The following DIP2C variants were observed in gnomAD, a reference collection of about 807,000 sequenced individuals.
DIP2C encodes disco-interacting protein 2 homolog C.
DIP2C carries 33 observed loss-of-function variants against 192.4 expected under a neutral mutation model. The ratio of observed to expected loss-of-function variants is 0.17; its 90% CI spans 0.13 to 0.23. DIP2C has a LOEUF of 0.23. Ranked by LOEUF, DIP2C falls within the 10% of genes least tolerant of loss-of-function variation. The pLI is 1.00. For missense variants in DIP2C, 1,537 were observed against 2,110.1 expected (o/e 0.73, Z 5.32); for synonymous variants, 979 against 864.1 (o/e 1.13, Z -2.33).
intron 1 of DIP2C, among the ~76,000 whole-genome samples, chr10:578,034 A>G (rs1850288353): frequency 6.6e-6 from 1 of 152,140 alleles, no homozygotes; most frequent in South Asian, 2.1e-4. Context: ...AAAAATCCAA[A>G]TAACTACAAT....
At chr10:472,793 C>G (rs968296912) in intron 2 of DIP2C, among the ~76,000 whole-genome samples, 2 of 152,174 alleles carry the variant, frequency 1.3e-5, no homozygotes, top group Non-Finnish European at 2.9e-5. Flanking sequence ...GGTCCACTGA[C>G]AGGCAGGGAG....
Position 277,594 on chromosome 10 carries a change from A to C in DIP2C, c.4419-17T>G. On this transcript the variant is annotated splice_polypyrimidine_tract_variant and intron_variant, in intron 36 of 36. Transcript: ENST00000280886. ...AACACAGCACTAAAAGACAGAAAAG[A>C]AAGCCATCATTATATGTTTATTAAT... The C allele has an allele frequency of 4.3e-6, 7 of 1,612,146 alleles. No individual in the cohort carries two copies. The highest frequency in any genetic ancestry group is 5.9e-6 in the Non-Finnish European group (7 of 1,178,954).
intron 28 of DIP2C, among the ~76,000 whole-genome samples, chr10:343,437 G>A (rs1958259480): frequency 6.6e-6 from 1 of 152,216 alleles, no homozygotes; most frequent in Admixed American, 6.5e-5. Context: ...AGAGGTGAGA[G>A]AACTTGGAGG....
At chr10:528,075 C>T (rs1328823639) in intron 1 of DIP2C, among the ~76,000 whole-genome samples, 2 of 152,188 alleles carry the variant, frequency 1.3e-5, no homozygotes, top group African/African-American at 4.8e-5. Context: ...TGGAAGGAAC[C>T]TGGATCCCTG....
intron 3 of DIP2C, among the ~76,000 whole-genome samples, chr10:453,349 G>A (rs557542736): frequency 6.6e-6 from 1 of 152,382 alleles, no homozygotes; most frequent in East Asian, 1.9e-4. Flanking sequence ...AGGCAGGATT[G>A]CAGCGGAGTC....
At chr10:382,597 G>T in intron 17 of DIP2C, 50 bp downstream of exon 17, 1 of 1,453,498 alleles carries the variant, frequency 6.9e-7, no homozygotes, top group Non-Finnish European at 9.6e-7. Context: ...CTTCGCTGCT[G>T]AATTAGGACT....
chr10:569,012 G>A (rs368012273), intron 1 of DIP2C, among the ~76,000 whole-genome samples: 7 of 152,218 alleles, frequency 4.6e-5, no homozygotes, highest in South Asian at 4.1e-4. Context: ...TGAGGGCAGC[G>A]GCTTCCTGGC....
intron 5 of DIP2C, 67 bp downstream of exon 5, chr10:422,757 C>T: frequency 1.3e-6 from 2 of 1,529,326 alleles, no homozygotes; most frequent in African/African-American, 2.7e-5. Flanking sequence ...ACGATGCAAA[C>T]AGAGAATGTG....
Position 274,866 on chromosome 10 carries a change from A to G in DIP2C, c.*2459T>C, listed in dbSNP as rs1451098087. The G allele has an allele frequency of 6.6e-6, 1 of 152,252 alleles. No homozygotes were observed. The highest frequency in any genetic ancestry group is 2.4e-5 in the African/African-American group (1 of 41,466). The allele number at this position is 152,252 out of a possible 1,614,324, so 9.4% of individuals were successfully genotyped here. On this transcript the variant is annotated 3_prime_UTR_variant, in exon 37 of 37. Transcript: ENST00000280886. ...CAAGGTCACAAGACAAACATTTTTT[A>G]CAATCTCATGAATGATTTATCTACA...
At chr10:520,899 G>A (rs1225135815) in intron 1 of DIP2C, among the ~76,000 whole-genome samples, 5 of 152,168 alleles carry the variant, frequency 3.3e-5, no homozygotes, top group Non-Finnish European at 7.3e-5. Flanking sequence ...TACTTTTAAA[G>A]TCATACACTG....
At chr10:389,765 C>T (rs906357546) in intron 13 of DIP2C, among the ~76,000 whole-genome samples, 1 of 152,244 alleles carries the variant, frequency 6.6e-6, no homozygotes, top group Non-Finnish European at 1.5e-5. Flanking sequence ...TGACCTCAGA[C>T]CTCCGCGCTG....
At chr10:423,739 T>TA (rs1966375277) in intron 4 of DIP2C, among the ~76,000 whole-genome samples, 1 of 152,014 alleles carries the variant, frequency 6.6e-6, no homozygotes, top group African/African-American at 2.4e-5. Context: ...GTGTGTTAGA[T>TA]ACCCATACAG....
chr10:585,742 A>C lies in DIP2C; in HGVS notation c.86-99212T>G, dbSNP rs959715373. The stretch of plus-strand genomic sequence containing the variant: ...AACGCCGCTGCAAGGTACAACCAGG[A>C]AGATCATCATTCAAAACTGAGGATT... On this transcript the variant is annotated intron_variant, in intron 1 of 36. Transcript: ENST00000280886. 3.3e-5 allele frequency among the ~76,000 whole-genome samples: 5 copies of C among 152,306 alleles called. No homozygotes were observed. The South Asian group carries it at 6.2e-4, about 19-fold the overall frequency.
chr10:553,991 G>A lies in DIP2C; in HGVS notation c.86-67461C>T, dbSNP rs536524370. 1.0e-3 allele frequency among the ~76,000 whole-genome samples: 151 copies of A among 151,276 alleles called. 1 individual carries two copies. Among genetic ancestry groups the A allele is most frequent in the Admixed American group, 2.3e-3 (35 of 15,204 alleles). ...ATACGCTTGTAACTGTAAGAGTGGC[G>A]AACAGGCAAGAAATATACCTCATAG... On this transcript the variant is annotated intron_variant, in intron 1 of 36. Coordinates refer to ENST00000280886, the MANE Select transcript of DIP2C (RefSeq NM_014974.3).
chr10:288,904 G>A (rs189784876), intron 32 of DIP2C, among the ~76,000 whole-genome samples: 147 of 152,278 alleles, frequency 9.7e-4, no homozygotes, highest in Middle Eastern at 3.4e-3. Flanking sequence ...GGGCCCTGAC[G>A]GCAAAGGTAC....
At chr10:326,761 G>C (rs552071028) in intron 31 of DIP2C, among the ~76,000 whole-genome samples, 1 of 151,538 alleles carries the variant, frequency 6.6e-6, no homozygotes, top group African/African-American at 2.4e-5. Context: ...TGCTACCCCT[G>C]TCACAAAAGT....
chr10:330,978 ATTTTTTTT>A (rs34830576), intron 29 of DIP2C, among the ~76,000 whole-genome samples: 137 of 100,354 alleles, frequency 1.4e-3, no homozygotes, highest in African/African-American at 4.8e-3. Flanking sequence ...TGCCTGGCTA[ATTTTTTTT>A]TTTTTTTTTT....
At chr10:482,766 C>T (rs1055865034) in intron 2 of DIP2C, among the ~76,000 whole-genome samples, 1 of 152,132 alleles carries the variant, frequency 6.6e-6, no homozygotes, top group South Asian at 2.1e-4. Context: ...TTATCCAAGT[C>T]GACACTGTTA....
At chr10:379,507 G>A (rs1962128483) in intron 17 of DIP2C, among the ~76,000 whole-genome samples, 1 of 152,148 alleles carries the variant, frequency 6.6e-6, no homozygotes, top group Non-Finnish European at 1.5e-5. Flanking sequence ...CTTGACGCCT[G>A]GAAGACTGAC....
Sources: allele counts gnomAD v4.1 joint callset (sites outside exome capture counted in the v4.1 genomes callset), GRCh38; gene constraint gnomAD v4.1.1; transcripts MANE v1.5; gene names NCBI Gene and HGNC (gene_info 2026-07-23, HGNC 2026-07-21).